Variants in CEMIP observed in about 807,000 individuals in gnomAD.
The protein encoded by CEMIP is cell migration inducing hyaluronidase 1.
Under a neutral mutation model 156.9 loss-of-function variants are expected in CEMIP, and 105 were observed. The ratio of observed to expected loss-of-function variants is 0.67; its 90% CI spans 0.57 to 0.79. CEMIP has a LOEUF of 0.79. CEMIP is among the 30% of genes least tolerant of loss of function. The pLI, the probability that CEMIP is intolerant of heterozygous loss-of-function variation, is 0.00. For missense variants in CEMIP, 1,457 were observed against 1,769.4 expected (o/e 0.82, Z 3.17); for synonymous variants, 676 against 668.4 (o/e 1.01, Z -0.17).
intron 1 of CEMIP, among the ~76,000 whole-genome samples, chr15:80,800,307 G>A (rs751408034): frequency 7.0e-4 from 107 of 151,994 alleles, no homozygotes; most frequent in African/African-American, 2.3e-3. Context: ...GTCCTTTCTC[G>A]CCCTCTGTCT....
Position 80,908,834 on chromosome 15 carries a change from A to C in CEMIP, c.1588-263A>C, listed in dbSNP as rs528702543. On this transcript the variant is annotated intron_variant, in intron 13 of 29. Coordinates refer to ENST00000394685, the MANE Select transcript of CEMIP (RefSeq NM_001293298.2). ...GAGGTTCAAAGTGAGCCCCAGCTAT[A>C]GCATAGCTCTTCAGAACATCTCATT... Among the ~76,000 whole-genome samples the C allele has an allele frequency of 1.4e-4, 22 of 152,240 alleles. 1 individual carries two copies. Among genetic ancestry groups the C allele is most frequent in the Non-Finnish European group, 1.9e-4 (13 of 68,048 alleles).
rs1901147130 is a variant in CEMIP, at chr15:80,936,889, A to AGTGG, written c.3221+8_3221+11dup. 1 of 1,613,628 alleles carries AGTGG rather than the reference A, an allele frequency of 6.2e-7. No homozygotes were observed. The highest frequency in any genetic ancestry group is 1.7e-5 in the Admixed American group (1 of 60,010). On this transcript the variant is annotated splice_donor_region_variant and intron_variant, in intron 24 of 29. Coordinates refer to ENST00000394685, the MANE Select transcript of CEMIP (RefSeq NM_001293298.2). ...TCTGGCTCATCAACTTCAACAAGTG[A>AGTGG]GTGGGTGTCCAGCCAGGAGCAGTGA...
intron 1 of CEMIP, among the ~76,000 whole-genome samples, chr15:80,818,318 T>C (rs1399763751): frequency 1.3e-5 from 2 of 152,318 alleles, no homozygotes; most frequent in East Asian, 1.9e-4. Flanking sequence ...ACTTCACTTG[T>C]GTGACATATG....
chr15:80,902,532 A>G (rs1342807950), intron 12 of CEMIP, among the ~76,000 whole-genome samples: 1 of 152,198 alleles, frequency 6.6e-6, no homozygotes, highest in African/African-American at 2.4e-5. Context: ...AGCAGGACAG[A>G]TAAGGTGGCT....
intron 17 of CEMIP, 148 bp downstream of exon 17, chr15:80,922,285 C>T (rs116915014): frequency 4.7e-5 from 50 of 1,058,848 alleles, no homozygotes; most frequent in African/African-American, 2.3e-4. Flanking sequence ...AGCAGCCTTG[C>T]GAGGCCTCCC....
chr15:80,790,485 C>A (rs1896053627), intron 1 of CEMIP, among the ~76,000 whole-genome samples: 1 of 152,152 alleles, frequency 6.6e-6, no homozygotes, highest in African/African-American at 2.4e-5. Context: ...CATGCATCAT[C>A]TTATTTAAAC....
At chr15:80,864,796 C>G (rs1238957839) in intron 1 of CEMIP, among the ~76,000 whole-genome samples, 1 of 152,218 alleles carries the variant, frequency 6.6e-6, no homozygotes, top group Non-Finnish European at 1.5e-5. Context: ...TACTCTGTAA[C>G]TAACAGTTCT....
chr15:80,905,728 C>T (rs562000663), intron 12 of CEMIP, among the ~76,000 whole-genome samples: 23 of 152,124 alleles, frequency 1.5e-4, no homozygotes, highest in South Asian at 4.2e-4. Flanking sequence ...AGTTTGAAGA[C>T]GGAATATAAG....
At chr15:80,945,861 C>T (rs993936356) in intron 28 of CEMIP, among the ~76,000 whole-genome samples, 5 of 152,222 alleles carry the variant, frequency 3.3e-5, no homozygotes, top group African/African-American at 1.2e-4. Context: ...GCTATTTTCC[C>T]AGCACTTTGG....
intron 12 of CEMIP, among the ~76,000 whole-genome samples, chr15:80,903,918 C>G (rs1899679361): frequency 6.6e-6 from 1 of 152,230 alleles, no homozygotes; most frequent in African/African-American, 2.4e-5. Context: ...GGAAGGAGCC[C>G]TGCTTCTGGA....
intron 1 of CEMIP, among the ~76,000 whole-genome samples, chr15:80,824,866 T>C (rs781590991): frequency 3.3e-5 from 5 of 152,222 alleles, no homozygotes. Flanking sequence ...ACAGACTCAA[T>C]AGGCCCACTT....
At chr15:80,909,664 G>A (rs1003064208) in intron 14 of CEMIP, 23 of 464,086 alleles carry the variant, frequency 5.0e-5, no homozygotes, top group South Asian at 1.2e-4. Flanking sequence ...GCGAAGACCC[G>A]GCTGTGGTAT....
intron 1 of CEMIP, among the ~76,000 whole-genome samples, chr15:80,784,063 G>C (rs1268134361): frequency 1.3e-5 from 2 of 152,180 alleles, no homozygotes; most frequent in Non-Finnish European, 2.9e-5. Context: ...CCTTGCACAG[G>C]CACCTGCTCA....
chr15:80,938,169 GTAAAA>G, intron 25 of CEMIP, 190 bp downstream of exon 25: 1 of 580,764 alleles, frequency 1.7e-6, no homozygotes, highest in South Asian at 2.0e-5. Flanking sequence ...AGCTTTAAAA[GTAAAA>G]TAAACACCCT....
chr15:80,882,206 A>AAACATTAGTACCTAT lies in CEMIP; in HGVS notation c.617+1075_617+1089dup, dbSNP rs1201977738. On this transcript the variant is annotated intron_variant, in intron 6 of 29. Coordinates refer to ENST00000394685, the MANE Select transcript of CEMIP (RefSeq NM_001293298.2). The stretch of plus-strand genomic sequence containing the variant: ...CTCACAGACACCCAACCTTGCCGGT[A>AAACATTAGTACCTAT]AACATTAGTACCTATAACAGTCACT... Among the ~76,000 whole-genome samples, 27 of 152,334 alleles carry AAACATTAGTACCTAT rather than the reference A, an allele frequency of 1.8e-4. No homozygotes were observed. In the South Asian group the frequency reaches 4.3e-3, roughly 25 times the overall value.
chr15:80,905,017 A>T (rs1899734442), intron 12 of CEMIP, among the ~76,000 whole-genome samples: 1 of 152,240 alleles, frequency 6.6e-6, no homozygotes, highest in South Asian at 2.1e-4. Flanking sequence ...CCAGAAGAGT[A>T]AACATCCCTA....
At chr15:80,903,370 G>A (rs1015844445) in intron 12 of CEMIP, among the ~76,000 whole-genome samples, 3 of 152,182 alleles carry the variant, frequency 2.0e-5, no homozygotes, top group Non-Finnish European at 2.9e-5. Flanking sequence ...CATTGAGTGT[G>A]GTCAGGGAGG....
At chr15:80,815,911 A>G (rs1432232368) in intron 1 of CEMIP, among the ~76,000 whole-genome samples, 2 of 152,270 alleles carry the variant, frequency 1.3e-5, no homozygotes, top group East Asian at 3.9e-4. Context: ...TTTTTCCAGC[A>G]TAGAAACTTT....
intron 13 of CEMIP, among the ~76,000 whole-genome samples, chr15:80,908,470 G>C (rs1899899531): frequency 6.6e-6 from 1 of 152,156 alleles, no homozygotes; most frequent in Non-Finnish European, 1.5e-5. Context: ...TTCATGGTAG[G>C]CACCCTGGAG....
Sources: gnomAD v4.1 joint callset for allele counts (sites outside exome capture counted in the v4.1 genomes callset) on GRCh38, gnomAD v4.1.1 for gene constraint, MANE v1.5 for transcripts, NCBI Gene and HGNC (gene_info 2026-07-23, HGNC 2026-07-21) for gene names.